The following OPHN1 variants were observed in gnomAD, a reference collection of about 807,000 sequenced individuals.
The protein encoded by OPHN1 is oligophrenin 1.
A neutral mutation model predicts 60.7 loss-of-function variants in OPHN1; 11 were observed. That is an observed-to-expected ratio of 0.18 (90% confidence interval 0.11 to 0.30). The LOEUF is 0.30. Among genes scored for constraint, OPHN1 ranks in the 10% least tolerant of loss-of-function variants. OPHN1 has a pLI of 1.00. For synonymous variants in OPHN1, 226 were observed against 222.6 expected (o/e 1.02, Z -0.14); for missense variants, 449 against 611.0 (o/e 0.73, Z 2.80).
intron 15 of OPHN1, among the ~76,000 whole-genome samples, chrX:68,170,790 G>C (rs1380899102): frequency 1.4e-5 from 1 of 70,667 alleles, no homozygotes; most frequent in Non-Finnish European, 2.5e-5. Context: ...TGTGGGGTGG[G>C]GGGAGGGGGG....
At chrX:68,170,355 CT>C (rs1195329682) in intron 15 of OPHN1, among the ~76,000 whole-genome samples, 31 of 105,257 alleles carry the variant, frequency 2.9e-4, no homozygotes, top group African/African-American at 1.0e-3. Flanking sequence ...TAGTTCAACC[CT>C]TGTGGAAGTC....
chrX:68,251,225 T>G (rs1457531124), intron 5 of OPHN1, among the ~76,000 whole-genome samples: 1 of 95,001 alleles, frequency 1.1e-5, no homozygotes, highest in Non-Finnish European at 2.1e-5. Flanking sequence ...TCTCACTCTG[T>G]TGCCAGGCTG....
intron 2 of OPHN1, among the ~76,000 whole-genome samples, chrX:68,425,145 T>G (rs1235782943): frequency 9.0e-6 from 1 of 111,193 alleles, no homozygotes; most frequent in African/African-American, 3.3e-5. Context: ...ATTAAAAGCT[T>G]TGGGGTCCCT....
intron 2 of OPHN1, among the ~76,000 whole-genome samples, chrX:68,350,313 C>A (rs1469151902): frequency 9.0e-6 from 1 of 110,894 alleles, no homozygotes; most frequent in Non-Finnish European, 1.9e-5. Flanking sequence ...AGTGAATAAC[C>A]AAATCATATT....
intron 5 of OPHN1, among the ~76,000 whole-genome samples, chrX:68,264,725 G>C (rs1013573584): frequency 6.2e-5 from 7 of 112,340 alleles, no homozygotes; most frequent in Admixed American, 1.9e-4. Context: ...AAAGCAGGGC[G>C]AGGCATTGCC....
chrX:68,094,241 T>C (rs970260661), intron 19 of OPHN1, among the ~76,000 whole-genome samples: 5 of 111,527 alleles, frequency 4.5e-5, no homozygotes, highest in Admixed American at 3.8e-4. Flanking sequence ...GTGGATTCTC[T>C]ATTCTGTTCT....
chrX:68,339,478 T>C (rs1426967138), intron 2 of OPHN1, among the ~76,000 whole-genome samples: 1 of 112,059 alleles, frequency 8.9e-6, no homozygotes, highest in Non-Finnish European at 1.9e-5. Flanking sequence ...AAACTATTTG[T>C]ATATGCAGAT....
chrX:68,140,765 A>G (rs1431242572), intron 15 of OPHN1, among the ~76,000 whole-genome samples: 2 of 106,597 alleles, frequency 1.9e-5, no homozygotes, highest in African/African-American at 6.8e-5. Context: ...GCTGGCAGGG[A>G]AAAAAAAAAG....
At chrX:68,395,563 T>C (rs911105673) in intron 2 of OPHN1, among the ~76,000 whole-genome samples, 2 of 109,926 alleles carry the variant, frequency 1.8e-5, no homozygotes, top group Non-Finnish European at 3.8e-5. Flanking sequence ...TTCTCCTGCC[T>C]CAGCCTCCCA....
chrX:68,304,447 T>C (rs781160643), intron 2 of OPHN1, among the ~76,000 whole-genome samples: 5 of 111,342 alleles, frequency 4.5e-5, no homozygotes, highest in Non-Finnish European at 5.6e-5. Flanking sequence ...ATTATTTGCG[T>C]ATCTTTTTTT....
chrX:68,064,138 C>A lies in OPHN1; in HGVS notation c.1874G>T (p.Ser625Ile). The A allele has an allele frequency of 4.1e-6, 5 of 1,210,823 alleles. No individual in the cohort carries two copies. Among genetic ancestry groups the A allele is most frequent in the Non-Finnish European group, 5.6e-6 (5 of 895,122 alleles). ...QHQTPNGTIT[S>I]SIEPPKPPQH... ...TGGTGGCTTGGGGGGTTCTATGCTG[C>A]TGGTGATAGTACCATTCGGTGTTTG... Residue 625 changes from serine to isoleucine, a missense_variant, in exon 21 of 25, where the codon AGC becomes ATC. Ser to Ile is a moderately radical substitution (Grantham distance 142, BLOSUM62 -2). This residue lies in a region of OPHN1 where 184 missense variants were observed against 160.5 expected (regional missense o/e 1.15). Transcript: ENST00000355520.
At chrX:68,303,748 T>C (rs2078132284) in intron 2 of OPHN1, among the ~76,000 whole-genome samples, 1 of 110,844 alleles carries the variant, frequency 9.0e-6, no homozygotes, top group African/African-American at 3.3e-5. Context: ...GCAACACGGA[T>C]GAGCCTTGAA....
intron 23 of OPHN1, among the ~76,000 whole-genome samples, chrX:68,051,041 G>A (rs950031990): frequency 4.3e-4 from 48 of 111,802 alleles, no homozygotes; most frequent in African/African-American, 1.6e-3. Context: ...GAGGTTCCAG[G>A]TGGCTCACTG....
chrX:68,363,881 G>GA (rs2078485919), intron 2 of OPHN1, among the ~76,000 whole-genome samples: 2 of 110,812 alleles, frequency 1.8e-5, no homozygotes, highest in South Asian at 7.6e-4. Flanking sequence ...AATGAGATTG[G>GA]AAAAAAAGTT....
chrX:68,126,740 C>T (rs544793574), intron 15 of OPHN1, among the ~76,000 whole-genome samples: 5 of 111,758 alleles, frequency 4.5e-5, no homozygotes, highest in African/African-American at 6.5e-5. Context: ...CCACTGTGCC[C>T]GGCCATAGTC....
chrX:68,197,341 C>T, intron 11 of OPHN1, 77 bp from the exon 12 acceptor site: 1 of 765,120 alleles, frequency 1.3e-6, no homozygotes, highest in Non-Finnish European at 2.0e-6. Flanking sequence ...TAGGGTCCCT[C>T]TCTGCCCTGG....
chrX:68,244,602 C>G (rs2077796694), intron 5 of OPHN1, among the ~76,000 whole-genome samples: 1 of 111,956 alleles, frequency 8.9e-6, no homozygotes, highest in Non-Finnish European at 1.9e-5. Flanking sequence ...GAATTCCTAT[C>G]CAAATATGAC....
chrX:68,133,943 C>T (rs1043529749), intron 15 of OPHN1, among the ~76,000 whole-genome samples: 8 of 110,836 alleles, frequency 7.2e-5, no homozygotes, highest in African/African-American at 2.0e-4. Flanking sequence ...GAGAGGCGGA[C>T]GTGCTTGGAT....
intron 21 of OPHN1, among the ~76,000 whole-genome samples, chrX:68,058,620 C>T (rs1422843948): frequency 9.0e-6 from 1 of 111,662 alleles, no homozygotes; most frequent in Admixed American, 9.5e-5. Flanking sequence ...CAAAGGGCCT[C>T]GAATACAGAA....
Sources: gnomAD v4.1 joint callset for allele counts (sites outside exome capture counted in the v4.1 genomes callset) on GRCh38, gnomAD v4.1.1 for gene constraint, gnomAD v4.1.1 regional missense constraint, MANE v1.5 for transcripts, NCBI Gene and HGNC (gene_info 2026-07-23, HGNC 2026-07-21) for gene names.